NCOR1: variants seen among roughly 807,000 people sequenced by gnomAD.
The protein encoded by NCOR1 is protein phosphatase 1, regulatory subunit 109.
NCOR1 carries 63 observed loss-of-function variants against 288.1 expected under a neutral mutation model. The ratio of observed to expected loss-of-function variants is 0.22; its 90% CI spans 0.18 to 0.27. The LOEUF (loss-of-function observed/expected upper bound fraction) is 0.27, where lower values mean the gene tolerates loss of function less well. Among genes scored for constraint, NCOR1 ranks in the 10% least tolerant of loss-of-function variants. The pLI, the probability that NCOR1 is intolerant of heterozygous loss-of-function variation, is 1.00. For synonymous variants in NCOR1, 1,007 were observed against 1,065.9 expected, an observed-to-expected ratio of 0.94 and a Z score of 1.08; for missense variants, 2,397 against 3,019.2, an observed-to-expected ratio of 0.79 and a Z score of 4.83.
At chr17:16,186,414 C>T (rs549862187) in intron 3 of NCOR1, 140 bp downstream of exon 3, 3 of 864,064 alleles carry the variant, frequency 3.5e-6, no homozygotes, top group Middle Eastern at 3.4e-4. Context: ...TGCAACCAAC[C>T]AACAAAAAAG....
At chr17:16,037,098 G>A (rs894182095) in intron 44 of NCOR1, among the ~76,000 whole-genome samples, 1 of 152,172 alleles carries the variant, frequency 6.6e-6, no homozygotes. Context: ...TTTGAATATT[G>A]TTGTGTGTCA....
rs529936121 is a variant in NCOR1, at chr17:16,206,294, T to TCA, written c.-71+9066_-71+9067dup. ...TACATATGTACATGTGCATAAATAT[T>TCA]CACACACACACACACAATTGTTTAC... On this transcript the variant is annotated intron_variant, in intron 1 of 45. Coordinates refer to ENST00000268712, the MANE Select transcript of NCOR1 (RefSeq NM_006311.4). Among the ~76,000 whole-genome samples, 229 of 148,072 alleles carry TCA rather than the reference T, an allele frequency of 1.5e-3. 4 individuals are homozygous for TCA. Among genetic ancestry groups the TCA allele is most frequent in the South Asian group, 3.0e-3 (14 of 4,692 alleles).
rs745388092 is a variant in NCOR1, at chr17:16,061,887, G to A, written c.5395C>T (p.Pro1799Ser). 1.1e-5 allele frequency: 18 copies of A among 1,604,030 alleles called. No individual in the cohort carries two copies. The Admixed American group carries it at 2.7e-4, about 24-fold the overall frequency. The change falls in exon 37 of 46, where the codon CCT becomes TCT. Residue 1799 changes from proline (P) to serine (S), a missense_variant. Physicochemically the swap from Pro to Ser is moderately conservative, Grantham distance 74. Transcript: ENST00000268712. ...PTAQLRIMPL[P>S]AGGPSISQGL... ...TGGCTTATTGAAGGGCCCCCAGCAG[G>A]CAGTGGCCTGTAAATAAAACCAAAT...
intron 9 of NCOR1, among the ~76,000 whole-genome samples, chr17:16,146,807 T>C (rs2078057241): frequency 6.6e-6 from 1 of 152,180 alleles, no homozygotes; most frequent in Admixed American, 6.5e-5. Context: ...ACTTGACACC[T>C]ACTACTAGTA....
At chr17:16,112,044 T>A (rs1350440828) in intron 18 of NCOR1, among the ~76,000 whole-genome samples, 1 of 151,966 alleles carries the variant, frequency 6.6e-6, no homozygotes, top group East Asian at 1.9e-4. Context: ...TAATTTTTTG[T>A]ACTTTTAGTA....
At chr17:16,110,171 A>C (rs1294472099) in intron 18 of NCOR1, among the ~76,000 whole-genome samples, 3 of 152,154 alleles carry the variant, frequency 2.0e-5, no homozygotes, top group African/African-American at 7.2e-5. Flanking sequence ...CCTGCGCAAC[A>C]AAGTTGGACA....
chr17:16,214,042 A>G (rs1326358643), intron 1 of NCOR1, among the ~76,000 whole-genome samples: 2 of 152,180 alleles, frequency 1.3e-5, no homozygotes, highest in Non-Finnish European at 2.9e-5. Flanking sequence ...ACAAATAAAT[A>G]AACTTCCACC....
intron 37 of NCOR1, 23 bp downstream of exon 37, chr17:16,061,378 G>A (rs756388471): frequency 6.2e-7 from 1 of 1,602,222 alleles, no homozygotes; most frequent in Non-Finnish European, 8.5e-7. Flanking sequence ...ATCACATTGT[G>A]AAACTCGGAT....
At chr17:16,203,758 G>A (rs59085792) in intron 1 of NCOR1, among the ~76,000 whole-genome samples, 2,851 of 152,134 alleles carry the variant, frequency 0.019, 60 homozygotes, top group East Asian at 0.05. Flanking sequence ...AGAAATATAC[G>A]AATATACGAG....
At chr17:16,165,718 C>A (rs540997651) in intron 4 of NCOR1, among the ~76,000 whole-genome samples, 2 of 152,172 alleles carry the variant, frequency 1.3e-5, no homozygotes, top group African/African-American at 4.8e-5. Flanking sequence ...ATAAAGCCCA[C>A]ACTACAGCAT....
chr17:16,162,647 T>C (rs1003035909), intron 5 of NCOR1, among the ~76,000 whole-genome samples: 2 of 152,068 alleles, frequency 1.3e-5, no homozygotes, highest in African/African-American at 2.4e-5. Context: ...AATAATCACA[T>C]ACCAAATTAA....
At chr17:16,158,370 T>C (rs1250652461) in intron 6 of NCOR1, among the ~76,000 whole-genome samples, 1 of 152,214 alleles carries the variant, frequency 6.6e-6, no homozygotes, top group South Asian at 2.1e-4. Context: ...GACCTATCTT[T>C]ACTGAAATGT....
intron 4 of NCOR1, among the ~76,000 whole-genome samples, chr17:16,171,188 C>A (rs1264539259): frequency 6.6e-6 from 1 of 152,014 alleles, no homozygotes; most frequent in Non-Finnish European, 1.5e-5. Flanking sequence ...GTATAAATAT[C>A]ATCATAAATA....
chr17:16,165,885 T>C (rs1462139669), intron 4 of NCOR1, among the ~76,000 whole-genome samples: 1 of 152,132 alleles, frequency 6.6e-6, no homozygotes, highest in African/African-American at 2.4e-5. Context: ...ATAAGCAATA[T>C]TATAAAACAG....
At chr17:16,035,809 T>C (rs2056234248) in intron 44 of NCOR1, among the ~76,000 whole-genome samples, 1 of 152,144 alleles carries the variant, frequency 6.6e-6, no homozygotes, top group Non-Finnish European at 1.5e-5. Context: ...CCCAAAGTGC[T>C]GGGATTACAG....
intron 3 of NCOR1, among the ~76,000 whole-genome samples, chr17:16,179,957 C>CA (rs34531259): frequency 0.047 from 3,550 of 75,258 alleles, 201 homozygotes; most frequent in African/African-American, 0.15. Flanking sequence ...GACTCTGTCT[C>CA]AAAAAAAAAA....
rs75372492 is a variant in NCOR1 at position 16,187,900 on chromosome 17, TA to T, written c.109-1214del. On this transcript the variant is annotated intron_variant, in intron 2 of 45. Transcript: ENST00000268712. ...GGGTGACAGAGCAAGACACCATCTT[TA>T]AAAAAAAAAAAAAAAGAAAGAAAAA... Among the ~76,000 whole-genome samples the T allele has an allele frequency of 7.9e-3, 969 of 123,028 alleles. 7 individuals carry two copies. Among genetic ancestry groups the T allele is most frequent in the African/African-American group, 0.018 (587 of 33,328 alleles). 80.7% of individuals were successfully genotyped at this position (123,028 alleles called of 152,430 possible).
intron 20 of NCOR1, among the ~76,000 whole-genome samples, chr17:16,100,152 GCAC>G (rs1245640500): frequency 6.6e-6 from 1 of 152,060 alleles, no homozygotes; most frequent in Non-Finnish European, 1.5e-5. Context: ...TCTAGAATTT[GCAC>G]CAATTTATCA....
At chr17:16,181,213 G>GTATGTA (rs370956442) in intron 3 of NCOR1, among the ~76,000 whole-genome samples, 8,169 of 121,886 alleles carry the variant, frequency 0.067, 265 homozygotes, top group South Asian at 0.086. Context: ...ATATATGTAT[G>GTATGTA]TGTGTGTGTG....
Sources: gnomAD v4.1 joint callset for allele counts (sites outside exome capture counted in the v4.1 genomes callset) on GRCh38, gnomAD v4.1.1 for gene constraint, MANE v1.5 for transcripts, NCBI Gene and HGNC (gene_info 2026-07-23, HGNC 2026-07-21) for gene names.